The following GABRG1 variants were observed in gnomAD, a reference collection of about 807,000 sequenced individuals.
GABRG1 encodes gamma-aminobutyric acid type A receptor subunit gamma1, also known as gamma-aminobutyric acid receptor subunit gamma-1.
GABRG1 carries 49 observed loss-of-function variants against 49.8 expected under a neutral mutation model. The observed-to-expected ratio is 0.98, with a 90% CI of 0.78 to 1.25. The LOEUF (loss-of-function observed/expected upper bound fraction) is 1.25, where lower values mean the gene tolerates loss of function less well. Among genes scored for constraint, GABRG1 ranks in the 50% most tolerant of loss-of-function variants. GABRG1 has a pLI of 0.00. For synonymous variants in GABRG1, 232 were observed against 185.1 expected, an observed-to-expected ratio of 1.25 and a Z score of -2.06; for missense variants, 552 against 552.3, an observed-to-expected ratio of 1.00 and a Z score of 0.01.
rs1186996768 is a variant in GABRG1, at chr4:46,042,237, T to C, written c.1132-983A>G. Among the ~76,000 whole-genome samples the C allele has an allele frequency of 3.9e-5, 6 of 152,038 alleles. No homozygotes were observed. In the East Asian group the frequency reaches 1.2e-3, roughly 29 times the overall value. ...CTGTTTATTCCTGATGAGGCCTATA[T>C]CACAATTGATTATAAAATTCATGCT... On this transcript the variant is annotated intron_variant, in intron 8 of 8. Transcript: ENST00000295452.
chr4:46,116,211 T>C (rs1435289442), intron 1 of GABRG1, among the ~76,000 whole-genome samples: 1 of 150,846 alleles, frequency 6.6e-6, no homozygotes, highest in Non-Finnish European at 1.5e-5. Context: ...ATTGTAAATG[T>C]TATTTTATGA....
intron 3 of GABRG1, among the ~76,000 whole-genome samples, chr4:46,071,841 T>C (rs1329868630): frequency 2.0e-5 from 3 of 152,004 alleles, no homozygotes; most frequent in African/African-American, 7.2e-5. Context: ...TATAATAAAT[T>C]TATAAAATAA....
At chr4:46,070,211 T>C (rs977061824) in intron 3 of GABRG1, among the ~76,000 whole-genome samples, 1 of 151,958 alleles carries the variant, frequency 6.6e-6, no homozygotes, top group Non-Finnish European at 1.5e-5. Flanking sequence ...GCACTGAGAA[T>C]AATGAACTGA....
At chr4:46,093,928 C>T (rs1433065001) in intron 2 of GABRG1, among the ~76,000 whole-genome samples, 3 of 151,986 alleles carry the variant, frequency 2.0e-5, no homozygotes, top group African/African-American at 2.4e-5. Context: ...TACATCTATA[C>T]ATTTGAGCAA....
Position 46,036,488 on chromosome 4 carries a change from G to A in GABRG1, c.*4500C>T, listed in dbSNP as rs563774281. On this transcript the variant is annotated 3_prime_UTR_variant, in exon 9 of 9. Coordinates refer to ENST00000295452, the MANE Select transcript of GABRG1 (RefSeq NM_173536.4). The stretch of plus-strand genomic sequence containing the variant: ...AAAGATAAATCAACAGGAAAAATAA[G>A]CCTTTGTATTACATTCAGAATTTCC... The A allele has an allele frequency of 6.6e-6, 1 of 151,748 alleles. No homozygotes were observed. Among genetic ancestry groups the A allele is most frequent in the African/African-American group, 2.4e-5 (1 of 41,344 alleles). 9.4% of individuals were successfully genotyped at this position (151,748 alleles called of 1,614,324 possible).
chr4:46,093,335 A>C (rs1387047246), intron 2 of GABRG1, among the ~76,000 whole-genome samples: 1 of 152,102 alleles, frequency 6.6e-6, no homozygotes, highest in South Asian at 2.1e-4. Flanking sequence ...CATTATGTTA[A>C]GTGAAATAAA....
chr4:46,100,707 GAA>G (rs33924854), intron 1 of GABRG1, among the ~76,000 whole-genome samples: 10,788 of 127,024 alleles, frequency 0.085, 841 homozygotes, highest in African/African-American at 0.21. Context: ...GAAGATTTTA[GAA>G]AAAAAAAAAA....
At chr4:46,072,965 T>C (rs961870228) in intron 3 of GABRG1, among the ~76,000 whole-genome samples, 1 of 151,984 alleles carries the variant, frequency 6.6e-6, no homozygotes, top group African/African-American at 2.4e-5. Flanking sequence ...TATGATAATA[T>C]AATTTTTATT....
chr4:46,082,084 G>A (rs1483966699), intron 3 of GABRG1, among the ~76,000 whole-genome samples: 1 of 151,742 alleles, frequency 6.6e-6, no homozygotes. Flanking sequence ...GCATTCCATG[G>A]GATCCAGTAG....
chr4:46,107,733 G>A (rs201390761), intron 1 of GABRG1, among the ~76,000 whole-genome samples: 2 of 149,384 alleles, frequency 1.3e-5, no homozygotes, highest in South Asian at 4.2e-4. Flanking sequence ...TTAACTTGTT[G>A]TTACTCTACA....
intron 8 of GABRG1, among the ~76,000 whole-genome samples, chr4:46,046,327 G>A (rs1333341101): frequency 6.6e-6 from 1 of 151,956 alleles, no homozygotes; most frequent in East Asian, 1.9e-4. Flanking sequence ...TGTTGGTGGT[G>A]GTATCTATAC....
intron 3 of GABRG1, among the ~76,000 whole-genome samples, chr4:46,074,545 T>A (rs1005034572): frequency 2.0e-5 from 3 of 152,120 alleles, no homozygotes; most frequent in African/African-American, 7.2e-5. Flanking sequence ...CCAAGGCTTA[T>A]CATACAGTTT....
intron 8 of GABRG1, among the ~76,000 whole-genome samples, chr4:46,044,201 G>T (rs577045395): frequency 6.6e-6 from 1 of 152,042 alleles, no homozygotes; most frequent in African/African-American, 2.4e-5. Flanking sequence ...GGCTGGGCAC[G>T]TTGGCTCACA....
chr4:46,061,877 T>TG (rs921392008), intron 5 of GABRG1, among the ~76,000 whole-genome samples: 1 of 151,700 alleles, frequency 6.6e-6, no homozygotes, highest in African/African-American at 2.4e-5. Context: ...TTATTTTATT[T>TG]TTTTTATTAT....
intron 1 of GABRG1, 61 bp from the exon 2 acceptor site, chr4:46,097,410 A>G: frequency 5.3e-6 from 8 of 1,496,354 alleles, no homozygotes; most frequent in East Asian, 2.3e-5. Context: ...GTATAAAAGT[A>G]TAGTTTAAGT....
chr4:46,042,092 A>G (rs1458665961), intron 8 of GABRG1, among the ~76,000 whole-genome samples: 1 of 151,988 alleles, frequency 6.6e-6, no homozygotes, highest in Non-Finnish European at 1.5e-5. Context: ...GGCAATAAAA[A>G]CATTGTAGGT....
chr4:46,086,931 A>T (rs1056467519), intron 2 of GABRG1, among the ~76,000 whole-genome samples: 7 of 143,976 alleles, frequency 4.9e-5, no homozygotes, highest in African/African-American at 1.8e-4. Flanking sequence ...GGAATAAAAG[A>T]ATGGCTACTC....
At chr4:46,117,779 T>C (rs952319049) in intron 1 of GABRG1, among the ~76,000 whole-genome samples, 16 of 141,284 alleles carry the variant, frequency 1.1e-4, no homozygotes, top group East Asian at 2.0e-4. Context: ...CATATATACA[T>C]ACATGTATAT....
chr4:46,041,312 A>AT (rs1246062454), intron 8 of GABRG1, 58 bp from the exon 9 acceptor site: 10 of 1,551,946 alleles, frequency 6.4e-6, no homozygotes, highest in African/African-American at 1.4e-5. Flanking sequence ...GGAAAGATCA[A>AT]TTTGCTCCTT....
Sources: allele counts gnomAD v4.1 joint callset (sites outside exome capture counted in the v4.1 genomes callset), GRCh38; gene constraint gnomAD v4.1.1; transcripts MANE v1.5; gene names NCBI Gene and HGNC (gene_info 2026-07-23, HGNC 2026-07-21).